KCTD16: variants seen among roughly 807,000 people sequenced by gnomAD.
The protein encoded by KCTD16 is BTB/POZ domain-containing protein KCTD16.
Under a neutral mutation model 33.2 loss-of-function variants are expected in KCTD16, and 13 were observed. The observed-to-expected ratio is 0.39, with a 90% CI of 0.25 to 0.62. KCTD16 has a LOEUF of 0.62. Among genes scored for constraint, KCTD16 ranks in the 20% least tolerant of loss-of-function variants. The pLI is 0.50. For synonymous variants in KCTD16, 197 were observed against 195.3 expected, an observed-to-expected ratio of 1.01 and a Z score of -0.07; for missense variants, 441 against 525.1, an observed-to-expected ratio of 0.84 and a Z score of 1.57.
intron 2 of KCTD16, among the ~76,000 whole-genome samples, chr5:144,198,565 A>G (rs1752979386): frequency 6.6e-6 from 1 of 152,168 alleles, no homozygotes; most frequent in Non-Finnish European, 1.5e-5. Context: ...TTTCAGCCTA[A>G]GAGTATGACA....
intron 3 of KCTD16, among the ~76,000 whole-genome samples, chr5:144,215,516 G>C (rs1328409697): frequency 1.3e-5 from 2 of 152,154 alleles, no homozygotes; most frequent in African/African-American, 4.8e-5. Context: ...CCTGGATTTT[G>C]GTGCCCAGGC....
intron 3 of KCTD16, among the ~76,000 whole-genome samples, chr5:144,461,701 G>A (rs1349299977): frequency 1.3e-5 from 2 of 152,196 alleles, no homozygotes; most frequent in Non-Finnish European, 2.9e-5. Context: ...AAGACTCCAT[G>A]TGATCTGGCT....
intron 3 of KCTD16, among the ~76,000 whole-genome samples, chr5:144,425,207 A>C (rs1208737245): frequency 6.6e-6 from 1 of 152,184 alleles, no homozygotes; most frequent in Non-Finnish European, 1.5e-5. Context: ...GAAAGAGGTA[A>C]CTGATCCCAA....
intron 3 of KCTD16, among the ~76,000 whole-genome samples, chr5:144,365,045 A>G (rs1295407442): frequency 6.7e-6 from 1 of 149,576 alleles, no homozygotes; most frequent in South Asian, 2.1e-4. Context: ...TTGCTTTTAT[A>G]TCTCTCTTAT....
intron 3 of KCTD16, among the ~76,000 whole-genome samples, chr5:144,276,150 C>A (rs1322062356): frequency 6.6e-6 from 1 of 152,098 alleles, no homozygotes; most frequent in Non-Finnish European, 1.5e-5. Context: ...AAAGTAAATC[C>A]CTGTTATGAA....
intron 3 of KCTD16, among the ~76,000 whole-genome samples, chr5:144,427,835 A>T (rs761625630): frequency 2.0e-5 from 3 of 152,156 alleles, no homozygotes; most frequent in Admixed American, 2.0e-4. Flanking sequence ...TCAGATTAGG[A>T]TATTAAAAAA....
At chr5:144,276,325 A>G (rs546240017) in intron 3 of KCTD16, among the ~76,000 whole-genome samples, 4 of 152,122 alleles carry the variant, frequency 2.6e-5, no homozygotes. Flanking sequence ...GCTTTAGTTC[A>G]CTTATTTGCC....
chr5:144,253,289 T>C (rs1179676439), intron 3 of KCTD16, among the ~76,000 whole-genome samples: 1 of 152,130 alleles, frequency 6.6e-6, no homozygotes, highest in African/African-American at 2.4e-5. Context: ...TTTCATTTAG[T>C]CATGTAATAT....
intron 3 of KCTD16, among the ~76,000 whole-genome samples, chr5:144,250,225 T>C (rs1754660860): frequency 6.6e-6 from 1 of 152,164 alleles, no homozygotes; most frequent in African/African-American, 2.4e-5. Context: ...CAGTACTCAT[T>C]GCAACGTGAG....
At chr5:144,371,185 C>G (rs548800393) in intron 3 of KCTD16, among the ~76,000 whole-genome samples, 1 of 152,244 alleles carries the variant, frequency 6.6e-6, no homozygotes, top group Admixed American at 6.5e-5. Context: ...CTGCCTCACT[C>G]TGCTTCAACA....
intron 3 of KCTD16, among the ~76,000 whole-genome samples, chr5:144,284,181 A>G (rs1322606887): frequency 6.6e-6 from 1 of 152,216 alleles, no homozygotes; most frequent in Non-Finnish European, 1.5e-5. Context: ...ATTGGTCTGG[A>G]TTGGGCTATT....
chr5:144,373,971 G>T (rs902535862), intron 3 of KCTD16, among the ~76,000 whole-genome samples: 3 of 152,162 alleles, frequency 2.0e-5, no homozygotes, highest in Non-Finnish European at 4.4e-5. Context: ...CATCACTGCA[G>T]TTTCTGTTTC....
chr5:144,229,746 G>A (rs908988186), intron 3 of KCTD16, among the ~76,000 whole-genome samples: 1 of 152,130 alleles, frequency 6.6e-6, no homozygotes, highest in Middle Eastern at 3.4e-3. Flanking sequence ...CTGCCTCTGT[G>A]CCATGGCCAA....
intron 3 of KCTD16, among the ~76,000 whole-genome samples, chr5:144,243,376 A>T (rs1294275288): frequency 6.6e-6 from 1 of 152,176 alleles, no homozygotes; most frequent in Non-Finnish European, 1.5e-5. Flanking sequence ...GCTCCTCCTC[A>T]AGGGGAGAAT....
chr5:144,247,786 C>T (rs541046153), intron 3 of KCTD16, among the ~76,000 whole-genome samples: 2 of 152,282 alleles, frequency 1.3e-5, no homozygotes, highest in South Asian at 4.1e-4. Flanking sequence ...TAGACTATTT[C>T]TTAATTTTCC....
At chr5:144,335,674 A>T (rs1462509699) in intron 3 of KCTD16, among the ~76,000 whole-genome samples, 1 of 152,200 alleles carries the variant, frequency 6.6e-6, no homozygotes, top group African/African-American at 2.4e-5. Flanking sequence ...AATTGAGCTG[A>T]ATCATAAAAA....
chr5:144,357,478 A>G (rs1345716772), intron 3 of KCTD16, among the ~76,000 whole-genome samples: 2 of 152,198 alleles, frequency 1.3e-5, no homozygotes, highest in Non-Finnish European at 2.9e-5. Flanking sequence ...AACAGGGAAA[A>G]AAGGTATAAA....
intron 2 of KCTD16, among the ~76,000 whole-genome samples, chr5:144,199,876 G>A (rs997617945): frequency 2.6e-5 from 4 of 151,708 alleles, no homozygotes; most frequent in East Asian, 1.9e-4. Flanking sequence ...CATCACACCC[G>A]ACTAATTTTT....
Position 144,181,514 on chromosome 5 carries a change from A to G in KCTD16, c.-327+7042A>G, listed in dbSNP as rs148468376. 1.3e-4 allele frequency among the ~76,000 whole-genome samples: 20 copies of G among 152,332 alleles called. No individual in the cohort carries two copies. The East Asian group carries it at 3.7e-3, about 28-fold the overall frequency. On this transcript the variant is annotated intron_variant, in intron 2 of 3. Transcript: ENST00000512467. ...TTTTCAAAATAGCTAAGATATGGAAACAACCTAAATGTCCATCAGTGGATG... is the reference window on the plus strand; with the variant it reads ...TTTTCAAAATAGCTAAGATATGGAAGCAACCTAAATGTCCATCAGTGGATG...
Sources: gnomAD v4.1 joint callset for allele counts (sites outside exome capture counted in the v4.1 genomes callset) on GRCh38, gnomAD v4.1.1 for gene constraint, MANE v1.5 for transcripts, NCBI Gene and HGNC (gene_info 2026-07-23, HGNC 2026-07-21) for gene names.